The following MAGI1 variants were observed in gnomAD, a reference collection of about 807,000 sequenced individuals.
MAGI1 encodes membrane associated guanylate kinase, WW and PDZ domain containing 1.
MAGI1 carries 58 observed loss-of-function variants against 139.9 expected under a neutral mutation model. The observed-to-expected ratio is 0.41, with a 90% CI of 0.34 to 0.52. The LOEUF (loss-of-function observed/expected upper bound fraction) is 0.52, where lower values mean the gene tolerates loss of function less well. Ranked by LOEUF, MAGI1 falls within the 20% of genes least tolerant of loss-of-function variation. MAGI1 has a pLI of 0.12. For missense variants in MAGI1, 1,874 were observed against 1,901.6 expected (o/e 0.99, Z 0.27); for synonymous variants, 812 against 737.9 (o/e 1.10, Z -1.63).
chr3:65,432,354 T>C (rs952355030), intron 10 of MAGI1, among the ~76,000 whole-genome samples: 2 of 152,118 alleles, frequency 1.3e-5, no homozygotes, highest in Non-Finnish European at 2.9e-5. Flanking sequence ...GAGGGAGACA[T>C]TAGTCCCCTA....
chr3:65,415,062 AAAG>A (rs1946102915), intron 12 of MAGI1, among the ~76,000 whole-genome samples: 1 of 151,692 alleles, frequency 6.6e-6, no homozygotes, highest in Non-Finnish European at 1.5e-5. Context: ...CATTACCTAT[AAAG>A]AAGAATCTTT....
rs79264382 is a variant in MAGI1, at chr3:65,566,925, T to A, written c.430+55047A>T. Among the ~76,000 whole-genome samples the A allele has an allele frequency of 9.7e-3, 1,470 of 152,240 alleles. 22 individuals are homozygous for A. The highest frequency in any genetic ancestry group is 0.033 in the African/African-American group (1,367 of 41,548). On this transcript the variant is annotated intron_variant, in intron 2 of 22. Transcript: ENST00000402939. ...TTTAGATATATTAATTAAAATCTTGTGAATGCATCTACATGGCTGTACATC... is the reference window on the plus strand; with the variant it reads ...TTTAGATATATTAATTAAAATCTTGAGAATGCATCTACATGGCTGTACATC...
At chr3:65,874,853 C>T (rs1025781001) in intron 1 of MAGI1, 12 of 152,556 alleles carry the variant, frequency 7.9e-5, no homozygotes, top group Admixed American at 7.2e-4. Flanking sequence ...TAGGAACAAC[C>T]CAAATGTCCT....
At position 65,365,142 on chromosome 3, in the gene MAGI1, T is replaced by G. The variant is rs183259578; in HGVS notation, c.3197-196A>C. 18 of 746,628 alleles carry G rather than the reference T, an allele frequency of 2.4e-5. No individual in the cohort carries two copies. In the East Asian group the frequency reaches 4.5e-4, roughly 19 times the overall value. The allele number at this position is 746,628 out of a possible 1,614,324, so 46.3% of individuals were successfully genotyped here. A position where few individuals can be genotyped will look rare whatever the true frequency, so the allele number is the denominator to read the frequency against. On this transcript the variant is annotated intron_variant, in intron 18 of 22. Transcript: ENST00000402939. Reference sequence around the variant, plus strand: ...GATCTTCTCTGATGTGGGTCATGTATGTCCCCATGACCCTCCTCCCAAACA... The same window carrying G: ...GATCTTCTCTGATGTGGGTCATGTAGGTCCCCATGACCCTCCTCCCAAACA...
chr3:65,431,751 C>G (rs1947472167), intron 10 of MAGI1, among the ~76,000 whole-genome samples: 1 of 151,956 alleles, frequency 6.6e-6, no homozygotes, highest in Non-Finnish European at 1.5e-5. Context: ...CTTTGGGAGG[C>G]TGAGTCAGGT....
At chr3:65,631,500 C>G (rs1436691348) in intron 1 of MAGI1, among the ~76,000 whole-genome samples, 1 of 152,150 alleles carries the variant, frequency 6.6e-6, no homozygotes, top group Non-Finnish European at 1.5e-5. Context: ...AAAATTGTTT[C>G]TACTTTGATT....
chr3:65,451,678 T>C (rs1011725251), intron 6 of MAGI1, among the ~76,000 whole-genome samples: 1 of 152,196 alleles, frequency 6.6e-6, no homozygotes, highest in African/African-American at 2.4e-5. Context: ...AGGGTCTCTC[T>C]CTGTCACCAA....
intron 2 of MAGI1, among the ~76,000 whole-genome samples, chr3:65,581,805 C>T (rs538657063): frequency 6.6e-6 from 1 of 152,268 alleles, no homozygotes; most frequent in Admixed American, 6.5e-5. Flanking sequence ...AACTCACTTA[C>T]TAATACTTTG....
At chr3:65,761,765 T>A (rs1424738441) in intron 1 of MAGI1, among the ~76,000 whole-genome samples, 2 of 152,138 alleles carry the variant, frequency 1.3e-5, no homozygotes, top group African/African-American at 4.8e-5. Context: ...AAACTGATTG[T>A]TTTTGCCTCT....
chr3:65,972,102 G>C (rs2065039667), intron 1 of MAGI1, among the ~76,000 whole-genome samples: 2 of 152,154 alleles, frequency 1.3e-5, no homozygotes, highest in South Asian at 4.1e-4. Context: ...AGCCTGACTG[G>C]TCCCTAATTC....
intron 1 of MAGI1, among the ~76,000 whole-genome samples, chr3:65,707,199 G>A (rs2030471876): frequency 6.6e-6 from 1 of 152,158 alleles, no homozygotes; most frequent in Non-Finnish European, 1.5e-5. Flanking sequence ...GGGCTCTAAT[G>A]TGTAATCTAA....
chr3:65,412,048 C>T (rs747840378), intron 12 of MAGI1, among the ~76,000 whole-genome samples: 2 of 152,204 alleles, frequency 1.3e-5, no homozygotes, highest in Non-Finnish European at 2.9e-5. Context: ...TGTCTCCTGG[C>T]TCCATGTCCC....
At chr3:65,798,352 C>A (rs560627099) in intron 1 of MAGI1, among the ~76,000 whole-genome samples, 1 of 152,082 alleles carries the variant, frequency 6.6e-6, no homozygotes. Context: ...CTCAGAAGCA[C>A]TGAAAATGAC....
At chr3:65,633,693 G>C (rs2084437244) in intron 1 of MAGI1, among the ~76,000 whole-genome samples, 2 of 151,984 alleles carry the variant, frequency 1.3e-5, no homozygotes, top group African/African-American at 4.8e-5. Flanking sequence ...GGTGCTTCTT[G>C]TATTTATTCC....
At chr3:65,406,313 T>A (rs1001986751) in intron 12 of MAGI1, among the ~76,000 whole-genome samples, 1 of 151,022 alleles carries the variant, frequency 6.6e-6, no homozygotes, top group African/African-American at 2.4e-5. Flanking sequence ...AAAACCTGAG[T>A]TGCTGGGAAA....
intron 1 of MAGI1, among the ~76,000 whole-genome samples, chr3:65,849,240 G>C (rs1205996351): frequency 6.6e-6 from 1 of 150,912 alleles, no homozygotes; most frequent in Non-Finnish European, 1.5e-5. Flanking sequence ...GGCCAGGCTA[G>C]TTTTGAACTC....
chr3:65,685,311 T>TTA (rs1332086424), intron 1 of MAGI1, among the ~76,000 whole-genome samples: 2 of 143,670 alleles, frequency 1.4e-5, no homozygotes, highest in East Asian at 2.0e-4. Context: ...TTTCTTCATT[T>TTA]AAAAAAAAAA....
At chr3:65,666,734 T>TC (rs1309400694) in intron 1 of MAGI1, among the ~76,000 whole-genome samples, 2 of 152,058 alleles carry the variant, frequency 1.3e-5, no homozygotes, top group Middle Eastern at 3.4e-3. Context: ...TGAAACAACC[T>TC]CCCCCTCATG....
chr3:65,918,309 G>C (rs2062004718), intron 1 of MAGI1, among the ~76,000 whole-genome samples: 1 of 150,936 alleles, frequency 6.6e-6, no homozygotes, highest in Admixed American at 6.6e-5. Flanking sequence ...CTCTACTTTT[G>C]CTTCTCTTGG....
Sources: allele counts gnomAD v4.1 joint callset (sites outside exome capture counted in the v4.1 genomes callset), GRCh38; gene constraint gnomAD v4.1.1; transcripts MANE v1.5; gene names NCBI Gene and HGNC (gene_info 2026-07-23, HGNC 2026-07-21).